Variants in PCDHGA4 observed in about 807,000 individuals in gnomAD.
PCDHGA4 encodes the protein protocadherin gamma-A4.
A neutral mutation model predicts 54.6 loss-of-function variants in PCDHGA4; 38 were observed. The observed-to-expected ratio is 0.70, with a 90% CI of 0.54 to 0.91. The LOEUF (loss-of-function observed/expected upper bound fraction) is 0.91, where lower values mean the gene tolerates loss of function less well. PCDHGA4 is among the 40% of genes least tolerant of loss of function. The probability of loss-of-function intolerance (pLI) is 0.00; values close to 1 mark genes in which losing one functional copy is unlikely to be tolerated. For missense variants in PCDHGA4, 1,298 were observed against 1,220.9 expected, an observed-to-expected ratio of 1.06 and a Z score of -0.94; for synonymous variants, 511 against 512.9, an observed-to-expected ratio of 1.00 and a Z score of 0.05.
chr5:141,395,646 C>T (rs1174950813), intron 1 of PCDHGA4: 2 of 167,832 alleles, frequency 1.2e-5, no homozygotes, highest in Non-Finnish European at 2.5e-5. Flanking sequence ...TTGTTATTAG[C>T]TTAGCAAAAG....
At chr5:141,503,241 A>G (rs1399557839) in intron 2 of PCDHGA4, among the ~76,000 whole-genome samples, 1 of 152,074 alleles carries the variant, frequency 6.6e-6, no homozygotes, top group Non-Finnish European at 1.5e-5. Context: ...GACAGTTTCT[A>G]TCATACTCAC....
At chr5:141,387,298 A>G (rs2090894771) in intron 1 of PCDHGA4, among the ~76,000 whole-genome samples, 1 of 152,244 alleles carries the variant, frequency 6.6e-6, no homozygotes, top group Admixed American at 6.5e-5. Context: ...AAATGTATCC[A>G]GTATATTTCT....
At chr5:141,395,088 C>G (rs778953049) in intron 1 of PCDHGA4, 31 of 1,614,076 alleles carry the variant, frequency 1.9e-5, no homozygotes, top group East Asian at 6.7e-5. Flanking sequence ...GGAAGTCTCC[C>G]TCACCGCCGA....
intron 1 of PCDHGA4, among the ~76,000 whole-genome samples, chr5:141,436,328 A>G (rs146180035): frequency 6.6e-6 from 1 of 152,326 alleles, no homozygotes; most frequent in East Asian, 1.9e-4. Flanking sequence ...CTGTTAGACC[A>G]TATCTCAAAT....
At chr5:141,364,415 G>C in intron 1 of PCDHGA4, 1 of 1,613,082 alleles carries the variant, frequency 6.2e-7, no homozygotes, top group South Asian at 1.1e-5. Flanking sequence ...GCCAGGATCC[G>C]GGCAGATCCG....
chr5:141,388,848 G>T (rs766706887), intron 1 of PCDHGA4: 1 of 1,613,942 alleles, frequency 6.2e-7, no homozygotes, highest in East Asian at 2.2e-5. Context: ...AGCAAGGGAC[G>T]GTGGAGGAAT....
In PCDHGA4 at chr5:141,499,676, C is replaced by G. The variant is rs534287777; in HGVS notation, c.2573+4811C>G. On this transcript the variant is annotated intron_variant, in intron 2 of 3. Coordinates refer to ENST00000571252, the MANE Select transcript of PCDHGA4 (RefSeq NM_018917.4). Reference sequence around the variant, plus strand: ...ATAATTTCATCTTGGTCTCCACCATCTTTAACAGATGACTTTTTTTTTTTT... The same window carrying G: ...ATAATTTCATCTTGGTCTCCACCATGTTTAACAGATGACTTTTTTTTTTTT... Among the ~76,000 whole-genome samples, 13 of 144,474 alleles carry G rather than the reference C, an allele frequency of 9.0e-5. No homozygotes were observed. In the South Asian group the frequency reaches 2.9e-3, roughly 33 times the overall value. The allele number at this position is 144,474 out of a possible 152,430, so 94.8% of individuals were successfully genotyped here.
chr5:141,469,802 C>T (rs2099211446), intron 1 of PCDHGA4, among the ~76,000 whole-genome samples: 1 of 152,022 alleles, frequency 6.6e-6, no homozygotes, highest in Admixed American at 6.6e-5. Flanking sequence ...ATTGCAAAAA[C>T]ATTGTAGATA....
intron 1 of PCDHGA4, chr5:141,410,318 G>A: frequency 6.2e-7 from 1 of 1,613,982 alleles, no homozygotes; most frequent in Non-Finnish European, 8.5e-7. Flanking sequence ...CTTCCTCCTC[G>A]CCGTGATTCT....
At chr5:141,385,369 G>A in intron 1 of PCDHGA4, 1 of 1,532,174 alleles carries the variant, frequency 6.5e-7, no homozygotes, top group East Asian at 2.3e-5. Flanking sequence ...TTATTTGCAT[G>A]ATATTTCTCT....
intron 1 of PCDHGA4, chr5:141,396,092 A>G (rs1589275874): frequency 6.6e-6 from 1 of 152,314 alleles, no homozygotes; most frequent in East Asian, 1.9e-4. Context: ...AAGTGGTGAG[A>G]ATGTTGATAT....
In PCDHGA4 at chr5:141,511,269, C is replaced by A; in HGVS notation, c.*96C>A. The A allele has an allele frequency of 1.3e-6, 2 of 1,546,672 alleles. No homozygotes were observed. Among genetic ancestry groups the A allele is most frequent in the Non-Finnish European group, 1.7e-6 (2 of 1,145,264 alleles). The stretch of plus-strand genomic sequence containing the variant: ...AGGCCTCAGAGTTTCAGGGCTAACC[C>A]CCAGAATACTGGTAGGGGCCAAGGC... On this transcript the variant is annotated 3_prime_UTR_variant, in exon 4 of 4. Transcript: ENST00000571252.
intron 1 of PCDHGA4, among the ~76,000 whole-genome samples, chr5:141,444,058 C>A (rs2154560450): frequency 6.8e-6 from 1 of 147,774 alleles, no homozygotes; most frequent in East Asian, 2.0e-4. Context: ...CATCTTCAAT[C>A]TAGATTCTGA....
chr5:141,384,962 A>G (rs1303034041), intron 1 of PCDHGA4: 1 of 1,613,130 alleles, frequency 6.2e-7, no homozygotes, highest in East Asian at 2.2e-5. Flanking sequence ...TACAACTATG[A>G]CCTCACGTTG....
At chr5:141,366,448 C>T (rs758717804) in intron 1 of PCDHGA4, 3 of 1,614,124 alleles carry the variant, frequency 1.9e-6, no homozygotes, top group South Asian at 1.1e-5. Flanking sequence ...TCTTCCTGGC[C>T]TTCGTCATCG....
chr5:141,450,650 C>G (rs1220350105), intron 1 of PCDHGA4, among the ~76,000 whole-genome samples: 1 of 151,618 alleles, frequency 6.6e-6, no homozygotes, highest in Non-Finnish European at 1.5e-5. Context: ...CCATGCCTGG[C>G]TAATTTTTGT....
chr5:141,489,483 T>G lies in PCDHGA4; in HGVS notation c.2515-5324T>G. 1.9e-6 allele frequency: 3 copies of G among 1,613,980 alleles called. No individual in the cohort carries two copies. The highest frequency in any genetic ancestry group is 2.5e-6 in the Non-Finnish European group (3 of 1,180,008). ...GCTATTTTTCCCTGAGCTTGATGAG[T>G]GGTGCCCTGGCAGTGAATCAAAAGA... On this transcript the variant is annotated intron_variant, in intron 1 of 3. Coordinates refer to ENST00000571252, the MANE Select transcript of PCDHGA4 (RefSeq NM_018917.4). This position sits in a 1 kb window ranked among gnomAD's most constrained non-coding sequence, Gnocchi z 4.5.
At chr5:141,409,954 C>T (rs774233531) in intron 1 of PCDHGA4, 3 of 1,613,356 alleles carry the variant, frequency 1.9e-6, no homozygotes, top group South Asian at 1.1e-5. Flanking sequence ...CTGCAGAGCC[C>T]GGCTACCTAG....
chr5:141,415,102 A>C, intron 1 of PCDHGA4: 1 of 1,613,550 alleles, frequency 6.2e-7, no homozygotes. Flanking sequence ...AGACGCGCTC[A>C]AGCAAAGCCT....
Sources: gnomAD v4.1 joint callset for allele counts (sites outside exome capture counted in the v4.1 genomes callset) on GRCh38, gnomAD v4.1.1 for gene constraint, Gnocchi (gnomAD v3.1) non-coding constraint, MANE v1.5 for transcripts, NCBI Gene and HGNC (gene_info 2026-07-23, HGNC 2026-07-21) for gene names.